TUT7: variants seen among roughly 807,000 people sequenced by gnomAD.
TUT7 encodes the protein terminal uridylyl transferase 7.
A neutral mutation model predicts 165.9 loss-of-function variants in TUT7; 33 were observed. The observed-to-expected ratio is 0.20, with a 90% CI of 0.15 to 0.27. The LOEUF (loss-of-function observed/expected upper bound fraction) is 0.27. Among genes scored for constraint, TUT7 ranks in the 10% least tolerant of loss-of-function variants. The pLI is 1.00. For synonymous variants in TUT7, 552 were observed against 608.1 expected (o/e 0.91, Z 1.36); for missense variants, 1,338 against 1,762.3 (o/e 0.76, Z 4.31).
rs760444301 is a variant in TUT7, at chr9:86,319,626, T to C, written c.3073A>G (p.Ile1025Val). 2.5e-6 allele frequency: 4 copies of C among 1,609,558 alleles called. No individual in the cohort carries two copies. The highest frequency in any genetic ancestry group is 3.4e-6 in the Non-Finnish European group (4 of 1,178,580). Reference sequence around the variant, plus strand: ...ATGAAACTTTCTAGGTTTTGCCGAATATGTTCACGAGCCTGATCTTCTATA... The same window carrying C: ...ATGAAACTTTCTAGGTTTTGCCGAACATGTTCACGAGCCTGATCTTCTATA... Reference protein sequence around the residue: ...TIIEDQAREHIRQNLESFIRQ... With the variant: ...TIIEDQAREHVRQNLESFIRQ... The change falls in exon 15 of 27, where the codon ATT (isoleucine) becomes GTT (valine). Residue 1025 changes from isoleucine to valine, a missense_variant. Around this residue, in one of 7 missense-constraint regions of TUT7, gnomAD observed 157 missense variants for 357.5 expected, o/e 0.44. Transcript: ENST00000375963.
intron 14 of TUT7, among the ~76,000 whole-genome samples, chr9:86,321,087 T>G (rs138418210): frequency 6.6e-6 from 1 of 152,148 alleles, no homozygotes; most frequent in African/African-American, 2.4e-5. Flanking sequence ...GAGCGGTGGC[T>G]CACGCCTGTA....
In TUT7 at chr9:86,288,490, G is replaced by T; in HGVS notation, c.*187C>A. The T allele has an allele frequency of 2.3e-6, 1 of 436,998 alleles. No individual in the cohort carries two copies. Among genetic ancestry groups the T allele is most frequent in the Non-Finnish European group, 4.1e-6 (1 of 243,100 alleles). The allele number at this position is 436,998 out of a possible 1,614,324, so 27.1% of individuals were successfully genotyped here. A position where few individuals can be genotyped will look rare whatever the true frequency, so the allele number is the denominator to read the frequency against. On this transcript the variant is annotated 3_prime_UTR_variant, in exon 27 of 27. Coordinates refer to ENST00000375963, the MANE Select transcript of TUT7 (RefSeq NM_024617.4). ...ATCCTTAAATCTATGGGGATGTGTGGTAGATAAGACTATATTAAAAATTTT... is the reference window on the plus strand; with the variant it reads ...ATCCTTAAATCTATGGGGATGTGTGTTAGATAAGACTATATTAAAAATTTT...
chr9:86,336,537 T>A (rs1587982251), intron 10 of TUT7, among the ~76,000 whole-genome samples: 2 of 152,224 alleles, frequency 1.3e-5, no homozygotes, highest in South Asian at 4.1e-4. Flanking sequence ...TCTCACCTTA[T>A]TCAGTATAAG....
In TUT7 at chr9:86,308,441, T is replaced by C. The variant is rs768046984; in HGVS notation, c.3826A>G (p.Ile1276Val). 1 of 1,612,032 alleles carries C rather than the reference T, an allele frequency of 6.2e-7. No individual in the cohort carries two copies. Among genetic ancestry groups the C allele is most frequent in the Admixed American group, 1.7e-5 (1 of 59,534 alleles). ...ATTTTATTCGTACCTTCAATAACAA[T>C]GTATTTTGAGGTCCACTGTTTCTTA... ...TFKKQWTSKY[I>V]VIEDPFDLNH... Residue 1276 changes from isoleucine (I) to valine (V), a missense_variant, in exon 22 of 27, where the codon ATT becomes GTT. Transcript: ENST00000375963.
intron 11 of TUT7, among the ~76,000 whole-genome samples, chr9:86,327,343 T>C (rs534321458): frequency 2.6e-5 from 4 of 152,330 alleles, no homozygotes; most frequent in Non-Finnish European, 5.9e-5. Flanking sequence ...AAAATAAGAA[T>C]AGCAGCTAAC....
chr9:86,319,693 A>T, intron 14 of TUT7, 23 bp from the exon 15 acceptor site: 1 of 1,513,322 alleles, frequency 6.6e-7, no homozygotes, highest in Non-Finnish European at 9.1e-7. Flanking sequence ...AAATAGACAT[A>T]TTGACAAAAT....
chr9:86,291,200 A>G (rs1825869437), intron 26 of TUT7, among the ~76,000 whole-genome samples: 2 of 152,184 alleles, frequency 1.3e-5, no homozygotes, highest in African/African-American at 4.8e-5. Flanking sequence ...ATAAATGAAG[A>G]ACCTTTAAAA....
Position 86,352,722 on chromosome 9 carries a change from T to C in TUT7, c.478A>G (p.Thr160Ala). 1 of 1,614,250 alleles carries C rather than the reference T, an allele frequency of 6.2e-7. No homozygotes were observed. Among genetic ancestry groups the C allele is most frequent in the African/African-American group, 1.3e-5 (1 of 75,070 alleles). Residue 160 changes from threonine to alanine, a missense_variant, in exon 2 of 27, where the codon ACA (threonine) becomes GCA (alanine). By Grantham distance (58) the Thr-to-Ala change is moderately conservative. Coordinates refer to ENST00000375963, the MANE Select transcript of TUT7 (RefSeq NM_024617.4). ...TVRRLFHKDL[T>A]SLETTSEMEA... The stretch of plus-strand genomic sequence containing the variant: ...ATTTCTGACGTGGTTTCTAGGCTTG[T>C]TAGGTCTTTATGAAACAGTCGTCTT...
intron 22 of TUT7, among the ~76,000 whole-genome samples, chr9:86,307,522 A>T (rs574854182): frequency 5.9e-5 from 9 of 152,368 alleles, no homozygotes; most frequent in African/African-American, 2.2e-4. Context: ...ATGTGATACA[A>T]ACATATTAAA....
At chr9:86,342,067 G>C (rs116614017) in intron 6 of TUT7, among the ~76,000 whole-genome samples, 3,819 of 152,188 alleles carry the variant, frequency 0.025, 167 homozygotes, top group African/African-American at 0.086. Context: ...AGAATTTAAG[G>C]TTAAAAAAAC....
At chr9:86,319,134 A>T in intron 15 of TUT7, 76 bp from the exon 16 acceptor site, 1 of 917,098 alleles carries the variant, frequency 1.1e-6, no homozygotes, top group African/African-American at 1.7e-5. Context: ...CCCTCTCATG[A>T]ATCAAAAACA....
chr9:86,301,887 T>C, intron 25 of TUT7: 5 of 979,506 alleles, frequency 5.1e-6, no homozygotes, highest in Non-Finnish European at 6.1e-6. Context: ...ACTTTGACAC[T>C]GATGTAATGA....
Position 86,325,531 on chromosome 9 carries a change from G to T in TUT7, c.1609-17C>A. The T allele has an allele frequency of 6.3e-7, 1 of 1,599,694 alleles. No individual in the cohort carries two copies. Among genetic ancestry groups the T allele is most frequent in the Non-Finnish European group, 8.5e-7 (1 of 1,170,906 alleles). ...TAATGACACCTATTAATAGCAAAGA[G>T]AAACATACAGGTTATTTCAGATGTA... On this transcript the variant is annotated splice_polypyrimidine_tract_variant and intron_variant, in intron 11 of 26. Transcript: ENST00000375963.
At chr9:86,325,893 C>T (rs564334497) in intron 11 of TUT7, among the ~76,000 whole-genome samples, 3 of 152,266 alleles carry the variant, frequency 2.0e-5, no homozygotes, top group East Asian at 3.9e-4. Context: ...TTTACAGTCA[C>T]AGACACACAA....
intron 25 of TUT7, among the ~76,000 whole-genome samples, chr9:86,302,594 A>C (rs1054249613): frequency 2.0e-5 from 3 of 149,820 alleles, no homozygotes; most frequent in Non-Finnish European, 2.9e-5. Context: ...CTGGGATTAC[A>C]GGCATGAGCT....
chr9:86,324,753 G>A (rs773947899), intron 12 of TUT7: 1 of 152,218 alleles, frequency 6.6e-6, no homozygotes. Context: ...TCCATTTAAT[G>A]ATGTCTACAG....
intron 17 of TUT7, among the ~76,000 whole-genome samples, chr9:86,315,851 A>ATT (rs1828673683): frequency 6.6e-6 from 1 of 152,010 alleles, no homozygotes; most frequent in South Asian, 2.1e-4. Flanking sequence ...GTTAATTTTT[A>ATT]TTGGGAATAA....
rs765712352 is a variant in TUT7 at position 86,353,113 on chromosome 9, G to A, written c.87C>T (p.Pro29=). The A allele has an allele frequency of 6.2e-7, 1 of 1,613,514 alleles. No homozygotes were observed. The highest frequency in any genetic ancestry group is 2.2e-5 in the East Asian group (1 of 44,874). Residue 29 remains proline (P), a synonymous_variant, in exon 2 of 27, where the codon CCC becomes CCT. Transcript: ENST00000375963. ...MDDDDFRRGH[P]QQDYLIIDDH... Reference sequence around the variant, plus strand: ...CATCTATTATTAAATAATCTTGTTGGGGGTGACCCCTTCTGAAGTCATCAT... The same window carrying A: ...CATCTATTATTAAATAATCTTGTTGAGGGTGACCCCTTCTGAAGTCATCAT...
chr9:86,338,476 A>G lies in TUT7; in HGVS notation c.1335+347T>C, dbSNP rs144286450. On this transcript the variant is annotated intron_variant, in intron 9 of 26. Transcript: ENST00000375963. ...ATTTTTTGCCGTCTCTGTGTATGTT[A>G]TTGGACATGATATGAGAAGCTTTAT... 9.2e-5 allele frequency among the ~76,000 whole-genome samples: 14 copies of G among 152,276 alleles called. 1 individual carries two copies. The highest frequency in any genetic ancestry group is 3.4e-4 in the African/African-American group (14 of 41,560).
Sources: allele counts gnomAD v4.1 joint callset (sites outside exome capture counted in the v4.1 genomes callset), GRCh38; gene constraint gnomAD v4.1.1; regional missense constraint gnomAD v4.1.1; transcripts MANE v1.5; gene names NCBI Gene and HGNC (gene_info 2026-07-23, HGNC 2026-07-21).